Variants in TMEM132D observed in about 807,000 individuals in gnomAD.
The protein encoded by TMEM132D is mature OL transmembrane protein.
TMEM132D carries 21 observed loss-of-function variants against 62.3 expected under a neutral mutation model. That is an observed-to-expected ratio of 0.34 (90% CI 0.24 to 0.49). The LOEUF is 0.49. Among genes scored for constraint, TMEM132D ranks in the 20% least tolerant of loss-of-function variants. The pLI is 0.99. For missense variants in TMEM132D, 1,346 were observed against 1,402.8 expected, an observed-to-expected ratio of 0.96 and a Z score of 0.65; for synonymous variants, 621 against 575.6, an observed-to-expected ratio of 1.08 and a Z score of -1.13.
chr12:129,874,905 G>A (rs1299057490), intron 1 of TMEM132D, among the ~76,000 whole-genome samples: 1 of 152,048 alleles, frequency 6.6e-6, no homozygotes, highest in African/African-American at 2.4e-5. Flanking sequence ...TAGAACTCCC[G>A]ACCTCAGGTG....
chr12:129,296,931 C>T (rs1881593458), intron 4 of TMEM132D, among the ~76,000 whole-genome samples: 1 of 152,350 alleles, frequency 6.6e-6, no homozygotes, highest in Non-Finnish European at 1.5e-5. Flanking sequence ...AGGAATGCTT[C>T]TCAGAACTCT....
At chr12:129,851,095 T>C (rs533187386) in intron 1 of TMEM132D, among the ~76,000 whole-genome samples, 3 of 152,324 alleles carry the variant, frequency 2.0e-5, no homozygotes, top group African/African-American at 4.8e-5. Flanking sequence ...TCGGAAAATA[T>C]AGCTTTCATT....
intron 2 of TMEM132D, among the ~76,000 whole-genome samples, chr12:129,552,586 T>G (rs1347792729): frequency 6.6e-6 from 1 of 151,596 alleles, no homozygotes; most frequent in African/African-American, 2.4e-5. Flanking sequence ...TTCACATCCA[T>G]TATCTATTTT....
intron 4 of TMEM132D, among the ~76,000 whole-genome samples, chr12:129,238,962 C>G (rs1427866931): frequency 6.6e-6 from 1 of 151,008 alleles, no homozygotes; most frequent in East Asian, 1.9e-4. Flanking sequence ...GACTTTCAGT[C>G]TCTCCTCATC....
chr12:129,380,975 TG>T (rs1566051009), intron 3 of TMEM132D, among the ~76,000 whole-genome samples: 1 of 152,224 alleles, frequency 6.6e-6, no homozygotes, highest in East Asian at 1.9e-4. Context: ...ATGAGAATTG[TG>T]TCAGATGGCT....
At chr12:129,899,878 C>T (rs1875294851) in intron 1 of TMEM132D, among the ~76,000 whole-genome samples, 2 of 152,094 alleles carry the variant, frequency 1.3e-5, no homozygotes, top group African/African-American at 4.8e-5. Context: ...TCTCTCTCTC[C>T]CCCACTAACT....
At chr12:129,654,209 C>T (rs1015928133) in intron 2 of TMEM132D, among the ~76,000 whole-genome samples, 2 of 152,082 alleles carry the variant, frequency 1.3e-5, no homozygotes, top group African/African-American at 4.8e-5. Context: ...TTTCCCTTGG[C>T]TCCTGTGTCT....
At chr12:129,368,281 A>G (rs1330783331) in intron 3 of TMEM132D, among the ~76,000 whole-genome samples, 2 of 151,870 alleles carry the variant, frequency 1.3e-5, no homozygotes, top group African/African-American at 4.9e-5. Flanking sequence ...ACACAAATAC[A>G]TATGTATATA....
rs567336103 is a variant in TMEM132D, at chr12:129,206,939, G to T, written c.1443+2581C>A. On this transcript the variant is annotated intron_variant, in intron 5 of 8. Transcript: ENST00000422113. ...TAGGAGGAGAATAACACACACTGGG[G>T]TCTATGGAAGGCTGGAGGGTGGGAA... Among the ~76,000 whole-genome samples the T allele has an allele frequency of 3.3e-5, 5 of 152,250 alleles. No individual in the cohort carries two copies. In the South Asian group the frequency reaches 1.0e-3, roughly 32 times the overall value.
At chr12:129,386,861 A>G (rs909909539) in intron 3 of TMEM132D, among the ~76,000 whole-genome samples, 12 of 151,774 alleles carry the variant, frequency 7.9e-5, no homozygotes, top group Non-Finnish European at 1.3e-4. Flanking sequence ...GACACCACCA[A>G]TGCTAACAGT....
chr12:129,851,878 T>C (rs533021470), intron 1 of TMEM132D, among the ~76,000 whole-genome samples: 1 of 152,382 alleles, frequency 6.6e-6, no homozygotes, highest in East Asian at 1.9e-4. Context: ...TAAAACTTTG[T>C]GTTTGCCCAC....
intron 5 of TMEM132D, among the ~76,000 whole-genome samples, chr12:129,089,605 G>T (rs112244686): frequency 0.01 from 1,390 of 135,410 alleles, 260 homozygotes; most frequent in African/African-American, 0.047. Flanking sequence ...TGACCGGGGT[G>T]TCCTCCCTGA....
chr12:129,387,585 C>T (rs1566053047), intron 3 of TMEM132D, among the ~76,000 whole-genome samples: 1 of 152,098 alleles, frequency 6.6e-6, no homozygotes, highest in Non-Finnish European at 1.5e-5. Context: ...CTAATACTAA[C>T]ATCCATGGCA....
At chr12:129,238,829 T>C (rs1005166430) in intron 4 of TMEM132D, among the ~76,000 whole-genome samples, 1 of 152,192 alleles carries the variant, frequency 6.6e-6, no homozygotes, top group Non-Finnish European at 1.5e-5. Context: ...TGTCAATTCT[T>C]TGGGATGTAT....
chr12:129,852,018 G>T (rs920712906), intron 1 of TMEM132D, among the ~76,000 whole-genome samples: 2 of 151,990 alleles, frequency 1.3e-5, no homozygotes, highest in Non-Finnish European at 2.9e-5. Flanking sequence ...CTTGACCCTC[G>T]AGCTGCAGCT....
chr12:129,743,302 G>A (rs1044088737), intron 1 of TMEM132D, among the ~76,000 whole-genome samples: 1 of 152,194 alleles, frequency 6.6e-6, no homozygotes, highest in East Asian at 1.9e-4. Flanking sequence ...CCCACGTGCT[G>A]TGGGAGGGAC....
chr12:129,874,115 G>T (rs901875283), intron 1 of TMEM132D, among the ~76,000 whole-genome samples: 1 of 152,166 alleles, frequency 6.6e-6, no homozygotes, highest in Non-Finnish European at 1.5e-5. Context: ...TAATGAGGCC[G>T]TATTGTGGAC....
At chr12:129,122,142 CTTTAG>C (rs1322952364) in intron 5 of TMEM132D, among the ~76,000 whole-genome samples, 1 of 152,188 alleles carries the variant, frequency 6.6e-6, no homozygotes, top group African/African-American at 2.4e-5. Flanking sequence ...GTTTAGATGG[CTTTAG>C]TTTAATTGTG....
intron 1 of TMEM132D, among the ~76,000 whole-genome samples, chr12:129,720,631 G>A (rs879611065): frequency 6.6e-6 from 1 of 152,146 alleles, no homozygotes; most frequent in African/African-American, 2.4e-5. Flanking sequence ...CTGGTTTACA[G>A]AAAGGGGCTG....
Sources: allele counts gnomAD v4.1 joint callset (sites outside exome capture counted in the v4.1 genomes callset), GRCh38; gene constraint gnomAD v4.1.1; transcripts MANE v1.5; gene names NCBI Gene and HGNC (gene_info 2026-07-23, HGNC 2026-07-21).